The following AKAP19 variants were observed in gnomAD, a reference collection of about 807,000 sequenced individuals.
AKAP19 encodes small A-kinase anchoring protein.
the AKAP19 span, among the ~76,000 whole-genome samples, chr2:189,880,842 TA>T: frequency 2.6e-5 from 4 of 152,238 alleles, no homozygotes; most frequent in East Asian, 7.7e-4. Context: ...CCAGGCAAAT[TA>T]AAATACCAGT....
At chr2:190,152,578 G>A in the AKAP19 span, among the ~76,000 whole-genome samples, 1 of 152,042 alleles carries the variant, frequency 6.6e-6, no homozygotes, top group East Asian at 1.9e-4. Flanking sequence ...CACTTTTATT[G>A]CTTTTATTTA....
chr2:190,037,724 TAGGATCC>T, the AKAP19 span, among the ~76,000 whole-genome samples: 1 of 152,208 alleles, frequency 6.6e-6, no homozygotes, highest in African/African-American at 2.4e-5. Flanking sequence ...CTTTCTTCCT[TAGGATCC>T]ATGGTGTGAT....
At chr2:189,987,199 G>A in the AKAP19 span, among the ~76,000 whole-genome samples, 2 of 152,172 alleles carry the variant, frequency 1.3e-5, no homozygotes, top group African/African-American at 2.4e-5. Flanking sequence ...TTGTGATAGT[G>A]AGTAAGTCTC....
chr2:189,888,071 A>G, the AKAP19 span, among the ~76,000 whole-genome samples: 1 of 152,138 alleles, frequency 6.6e-6, no homozygotes, highest in Non-Finnish European at 1.5e-5. Flanking sequence ...GTTTTCTTCT[A>G]GGGTTTTTAT....
At chr2:189,992,532 AGGATT>A in the AKAP19 span, among the ~76,000 whole-genome samples, 19 of 20,818 alleles carry the variant, frequency 9.1e-4, no homozygotes, top group African/African-American at 2.7e-3. Context: ...TATAAATTTT[AGGATT>A]TTTTTTGTAG....
At chr2:190,146,839 A>T in the AKAP19 span, among the ~76,000 whole-genome samples, 3 of 151,990 alleles carry the variant, frequency 2.0e-5, no homozygotes, top group Non-Finnish European at 4.4e-5. Context: ...CCACTTATTG[A>T]TGGGATTGTT....
At chr2:190,079,353 A>G in the AKAP19 span, 1 of 152,256 alleles carries the variant, frequency 6.6e-6, no homozygotes, top group African/African-American at 2.4e-5. Context: ...AGAAGGTTAA[A>G]AAAGTGTGGT....
chr2:189,927,743 T>C, the AKAP19 span, among the ~76,000 whole-genome samples: 3 of 152,222 alleles, frequency 2.0e-5, no homozygotes, highest in Non-Finnish European at 4.4e-5. Flanking sequence ...AACATTGATA[T>C]AGTACTATTG....
At chr2:189,933,842 A>T in the AKAP19 span, among the ~76,000 whole-genome samples, 17 of 152,104 alleles carry the variant, frequency 1.1e-4, no homozygotes, top group Admixed American at 1.0e-3. Flanking sequence ...TCACTTTTGG[A>T]CTACTTGATA....
chr2:189,962,441 T>C, the AKAP19 span, among the ~76,000 whole-genome samples: 2 of 152,176 alleles, frequency 1.3e-5, no homozygotes, highest in Non-Finnish European at 2.9e-5. Context: ...AAGGCTAGAA[T>C]TAATGATTAT....
chr2:189,922,621 A>T, the AKAP19 span, among the ~76,000 whole-genome samples: 2 of 152,216 alleles, frequency 1.3e-5, no homozygotes, highest in Non-Finnish European at 2.9e-5. Flanking sequence ...TGTCCAATGC[A>T]CATGTTCCCA....
At chr2:190,057,632 A>G in the AKAP19 span, 4 of 1,613,086 alleles carry the variant, frequency 2.5e-6, no homozygotes, top group Admixed American at 6.7e-5. Flanking sequence ...ACCTCTAAAA[A>G]CGGATTCTGT....
At chr2:190,159,297 C>A in the AKAP19 span, among the ~76,000 whole-genome samples, 1 of 152,146 alleles carries the variant, frequency 6.6e-6, no homozygotes. Context: ...AGGGCAAAGT[C>A]CCCCAGGAGG....
the AKAP19 span, among the ~76,000 whole-genome samples, chr2:190,148,389 G>A: frequency 6.6e-6 from 1 of 152,200 alleles, no homozygotes; most frequent in African/African-American, 2.4e-5. Context: ...TTTTTGATAT[G>A]TTGCTGGATT....
the AKAP19 span, among the ~76,000 whole-genome samples, chr2:190,002,367 C>T: frequency 6.6e-6 from 1 of 152,084 alleles, no homozygotes; most frequent in Non-Finnish European, 1.5e-5. Flanking sequence ...TCTTGTCCTG[C>T]TCAATTTTGA....
the AKAP19 span, among the ~76,000 whole-genome samples, chr2:189,903,198 A>G: frequency 1.3e-5 from 2 of 151,984 alleles, no homozygotes; most frequent in Non-Finnish European, 2.9e-5. Context: ...AGAGGTATGA[A>G]AACTTTAAAT....
chr2:190,193,666 G>T, the AKAP19 span, among the ~76,000 whole-genome samples: 2 of 151,990 alleles, frequency 1.3e-5, no homozygotes, highest in African/African-American at 4.8e-5. Flanking sequence ...CCTTTTAAAC[G>T]TATATAGATG....
chr2:190,203,147 T>TA, the AKAP19 span: 1 of 167,106 alleles, frequency 6.0e-6, no homozygotes. Context: ...GGGGAAACTA[T>TA]ACTTTTGTAT....
the AKAP19 span, among the ~76,000 whole-genome samples, chr2:190,171,582 C>T: frequency 3.3e-5 from 5 of 152,124 alleles, no homozygotes; most frequent in Non-Finnish European, 5.9e-5. Flanking sequence ...TGAGCACTGA[C>T]GTGATTCCAT....
Sources: allele counts gnomAD v4.1 joint callset (sites outside exome capture counted in the v4.1 genomes callset), GRCh38; gene constraint gnomAD v4.1.1; transcripts MANE v1.5; gene names NCBI Gene and HGNC (gene_info 2026-07-23, HGNC 2026-07-21).